ACAD10: variants seen among roughly 807,000 people sequenced by gnomAD.
ACAD10 encodes the protein ACAD-10.
Under a neutral mutation model 116.8 loss-of-function variants are expected in ACAD10, and 112 were observed. The observed-to-expected ratio is 0.96, with a 90% CI of 0.82 to 1.12. The LOEUF is 1.12. Among genes scored for constraint, ACAD10 ranks in the 50% most tolerant of loss-of-function variants. ACAD10 has a pLI of 0.00. For synonymous variants in ACAD10, 486 were observed against 510.6 expected (o/e 0.95, Z 0.65); for missense variants, 1,259 against 1,350.2 (o/e 0.93, Z 1.06).
chr12:111,724,664 C>T (rs1473279206), intron 8 of ACAD10, among the ~76,000 whole-genome samples: 5 of 151,908 alleles, frequency 3.3e-5, no homozygotes, highest in African/African-American at 1.2e-4. Flanking sequence ...CGTGGCGGCG[C>T]GTGCCTGCAA....
At chr12:111,755,619 C>T in intron 19 of ACAD10, 49 bp from the exon 20 acceptor site, 2 of 1,499,634 alleles carry the variant, frequency 1.3e-6, no homozygotes, top group Non-Finnish European at 1.9e-6. Flanking sequence ...CACTCTGCCA[C>T]CCAGGCTGCC....
At chr12:111,716,756 T>C (rs1334545221) in intron 7 of ACAD10, among the ~76,000 whole-genome samples, 2 of 152,112 alleles carry the variant, frequency 1.3e-5, no homozygotes, top group South Asian at 4.1e-4. Flanking sequence ...CTCAGGAGGC[T>C]GAGGTGGGAG....
At chr12:111,686,426 G>C (rs1280536665) in intron 1 of ACAD10, 187 bp downstream of exon 1, 2 of 152,652 alleles carry the variant, frequency 1.3e-5, no homozygotes, top group Non-Finnish European at 2.9e-5. Context: ...TCGCTGTTCA[G>C]ATAGCGATCT....
At position 111,734,971 on chromosome 12, in the gene ACAD10, C is replaced by A. The variant is rs535654153; in HGVS notation, c.1540+903C>A. Among the ~76,000 whole-genome samples, 3 of 152,142 alleles carry A rather than the reference C, an allele frequency of 2.0e-5. No homozygotes were observed. In the South Asian group the frequency reaches 6.2e-4, roughly 32 times the overall value. Reference sequence around the variant, plus strand: ...GGGCGCGGTGGCCCACGCCTGTAATCCCAGCACTTTGGGAGGCCGAGACGG... The same window carrying A: ...GGGCGCGGTGGCCCACGCCTGTAATACCAGCACTTTGGGAGGCCGAGACGG... On this transcript the variant is annotated intron_variant, in intron 11 of 20. Coordinates refer to ENST00000313698, the MANE Select transcript of ACAD10 (RefSeq NM_025247.6).
Position 111,715,962 on chromosome 12 carries a change from G to C in ACAD10, c.992G>C (p.Arg331Thr), listed in dbSNP as rs774312696. ...GCCCATGCCATAGAGAGGGAGTTCA[G>C]GTAAGTTTTCAGGGCCAGGGGAGCA... ...PSAHAIEREF[R>T]IMKALANAGV... Residue 331 changes from arginine (R) to threonine (T), a missense_variant and splice_region_variant, in exon 7 of 21, where the codon AGG (arginine) becomes ACG (threonine). Transcript: ENST00000313698. 2 of 1,613,922 alleles carry C rather than the reference G, an allele frequency of 1.2e-6. No individual in the cohort carries two copies.
In ACAD10 at chr12:111,753,857, A is replaced by G; in HGVS notation, c.2903A>G (p.Glu968Gly). 2 of 1,613,702 alleles carry G rather than the reference A, an allele frequency of 1.2e-6. No homozygotes were observed. Among genetic ancestry groups the G allele is most frequent in the Non-Finnish European group, 1.7e-6 (2 of 1,179,874 alleles). Residue 968 changes from glutamate to glycine, a missense_variant, in exon 19 of 21, where the codon GAG becomes GGG. By Grantham distance (98) the Glu-to-Gly change is moderately conservative. Transcript: ENST00000313698. ...ATCGCGCAGTCGCGCGTGGAGATTG[A>G]GCAGGCACGGCTGCTGGTGCTGAGA... ...ADIAQSRVEI[E>G]QARLLVLRAA...
chr12:111,697,576 GTCTC>G (rs1283825165), intron 2 of ACAD10, among the ~76,000 whole-genome samples: 17 of 141,610 alleles, frequency 1.2e-4, no homozygotes, highest in South Asian at 9.1e-4. Flanking sequence ...GACCAGGTTG[GTCTC>G]TCTCTTTTTT....
rs768133206 is a variant in ACAD10 at position 111,705,867 on chromosome 12, A to G, written c.466A>G (p.Ser156Gly). Reference protein sequence around the residue: ...RAKGLQTAVLSNNFYLPNQKS... With the variant: ...RAKGLQTAVLGNNFYLPNQKS... ...AAAAGGTCTTCAGACTGCAGTCTTG[A>G]GCAATAATTTTTATCTTCCCAACCA... The change falls in exon 4 of 21, where the codon AGC becomes GGC. Residue 156 changes from serine to glycine, a missense_variant. Ser to Gly is a moderately conservative substitution (Grantham distance 56). Transcript: ENST00000313698. 8 of 1,614,158 alleles carry G rather than the reference A, an allele frequency of 5.0e-6. No individual in the cohort carries two copies. Among genetic ancestry groups the G allele is most frequent in the Non-Finnish European group, 6.8e-6 (8 of 1,180,024 alleles).
chr12:111,753,762 G>A lies in ACAD10; in HGVS notation c.2818-10G>A. The stretch of plus-strand genomic sequence containing the variant: ...GCATGTCCTCAGCCGCACATCTCCT[G>A]TGTCGACAGGTGAAGTCCCGCTTGG... On this transcript the variant is annotated splice_polypyrimidine_tract_variant and intron_variant, in intron 18 of 20. Transcript: ENST00000313698. 6.2e-7 allele frequency: 1 copy of A among 1,613,834 alleles called. No homozygotes were observed. Among genetic ancestry groups the A allele is most frequent in the East Asian group, 2.2e-5 (1 of 44,884 alleles).
intron 10 of ACAD10, among the ~76,000 whole-genome samples, chr12:111,733,514 C>G (rs1043023227): frequency 6.6e-6 from 1 of 152,074 alleles, no homozygotes; most frequent in South Asian, 2.1e-4. Flanking sequence ...ATCACTTCCA[C>G]GTGTCTTATA....
chr12:111,686,787 TC>T (rs1887873723), intron 1 of ACAD10, among the ~76,000 whole-genome samples: 1 of 152,118 alleles, frequency 6.6e-6, no homozygotes, highest in Non-Finnish European at 1.5e-5. Flanking sequence ...GGGGTCCTCC[TC>T]CCCACCCTGT....
At chr12:111,697,827 G>A (rs1223048104) in intron 2 of ACAD10, among the ~76,000 whole-genome samples, 1 of 151,606 alleles carries the variant, frequency 6.6e-6, no homozygotes, top group Admixed American at 6.6e-5. Flanking sequence ...CTGGTGGTCC[G>A]CCCGCCTTGG....
At position 111,698,612 on chromosome 12, in the gene ACAD10, G is replaced by A. The variant is rs534103878; in HGVS notation, c.188-3550G>A. On this transcript the variant is annotated intron_variant, in intron 2 of 20. Coordinates refer to ENST00000313698, the MANE Select transcript of ACAD10 (RefSeq NM_025247.6). ...CCTGCCTCAGCCTCCTGAGTAGCTGGGATTACAGGCATGCACCACCACCCC... is the reference window on the plus strand; with the variant it reads ...CCTGCCTCAGCCTCCTGAGTAGCTGAGATTACAGGCATGCACCACCACCCC... Among the ~76,000 whole-genome samples, 54 of 150,858 alleles carry A rather than the reference G, an allele frequency of 3.6e-4. 1 individual carries two copies. The South Asian group carries it at 8.8e-3, about 25-fold the overall frequency.
intron 15 of ACAD10, 54 bp downstream of exon 15, chr12:111,747,240 C>A: frequency 6.2e-7 from 1 of 1,611,944 alleles, no homozygotes; most frequent in Admixed American, 1.7e-5. Context: ...GTCGGCCCCA[C>A]AGGGAACACG....
chr12:111,733,839 C>T lies in ACAD10; in HGVS notation c.1395-84C>T, dbSNP rs76918876. 4,655 of 1,569,344 alleles carry T rather than the reference C, an allele frequency of 3.0e-3. 120 individuals carry two copies. In the African/African-American group the frequency reaches 0.054, roughly 18 times the overall value. ...GGGGATGGGAGGGTGGGGAGCCAAG[C>T]CTAAAGGGCAAACAGACCACGCAGA... is the stretch of plus-strand genomic sequence containing the variant. On this transcript the variant is annotated intron_variant, in intron 10 of 20. Coordinates refer to ENST00000313698, the MANE Select transcript of ACAD10 (RefSeq NM_025247.6).
chr12:111,718,329 G>A (rs771736809), intron 7 of ACAD10, among the ~76,000 whole-genome samples: 6 of 151,334 alleles, frequency 4.0e-5, no homozygotes, highest in Middle Eastern at 3.5e-3. Flanking sequence ...GATTACAGGC[G>A]TGAGCCACTA....
chr12:111,728,407 T>C (rs1270970842), intron 9 of ACAD10, among the ~76,000 whole-genome samples: 2 of 152,154 alleles, frequency 1.3e-5, no homozygotes, highest in Non-Finnish European at 1.5e-5. Context: ...CCCTTAAATA[T>C]TCTGCTATCC....
At chr12:111,723,909 G>C (rs922456148) in intron 8 of ACAD10, among the ~76,000 whole-genome samples, 1 of 149,450 alleles carries the variant, frequency 6.7e-6, no homozygotes, top group African/African-American at 2.5e-5. Flanking sequence ...CTCCCAGACG[G>C]GGTCTCGGCC....
rs79883684 is a variant in ACAD10, at chr12:111,745,254, C to T, written c.2115+211C>T. 3,671 of 608,210 alleles carry T rather than the reference C, an allele frequency of 6.0e-3. 20 individuals carry two copies. Among genetic ancestry groups the T allele is most frequent in the Non-Finnish European group, 6.5e-3 (2,316 of 356,284 alleles). The allele number at this position is 608,210 out of a possible 1,614,324, so 37.7% of individuals were successfully genotyped here. ...GTGCCTGTGTCACAGGCAGATGGCT[C>T]AGGTGTGACTGCACAGCCCAGGCAG... On this transcript the variant is annotated intron_variant, in intron 13 of 20. Transcript: ENST00000313698.
Sources: allele counts gnomAD v4.1 joint callset (sites outside exome capture counted in the v4.1 genomes callset), GRCh38; gene constraint gnomAD v4.1.1; transcripts MANE v1.5; gene names NCBI Gene and HGNC (gene_info 2026-07-23, HGNC 2026-07-21).